The following COG5 variants were observed in gnomAD, a reference collection of about 807,000 sequenced individuals.
COG5 encodes conserved oligomeric Golgi complex subunit 5.
COG5 carries 86 observed loss-of-function variants against 110.4 expected under a neutral mutation model. The ratio of observed to expected loss-of-function variants is 0.78; its 90% CI spans 0.65 to 0.93. The LOEUF (loss-of-function observed/expected upper bound fraction) is 0.93, where lower values mean the gene tolerates loss of function less well. COG5 is among the 40% of genes least tolerant of loss of function. The probability of loss-of-function intolerance (pLI) is 0.00; values close to 1 mark genes in which losing one functional copy is unlikely to be tolerated. For missense variants in COG5, 1,077 were observed against 987.0 expected (o/e 1.09, Z -1.22); for synonymous variants, 360 against 334.6 (o/e 1.08, Z -0.83).
At chr7:107,244,522 A>G (rs1009479162) in intron 17 of COG5, among the ~76,000 whole-genome samples, 4 of 152,220 alleles carry the variant, frequency 2.6e-5, no homozygotes, top group African/African-American at 9.6e-5. Context: ...TCAGAAGATC[A>G]ATGAATCCAG....
chr7:107,346,017 T>C (rs142849180), intron 10 of COG5, among the ~76,000 whole-genome samples: 1 of 152,182 alleles, frequency 6.6e-6, no homozygotes, highest in Non-Finnish European at 1.5e-5. Flanking sequence ...GAACCAATAA[T>C]ATCTTTCACT....
intron 14 of COG5, among the ~76,000 whole-genome samples, chr7:107,272,183 C>T (rs1804332320): frequency 6.6e-6 from 1 of 152,168 alleles, no homozygotes; most frequent in Admixed American, 6.5e-5. Flanking sequence ...CTGGGAACTG[C>T]TTATGACAAA....
At chr7:107,523,979 A>G (rs555848761) in intron 6 of COG5, among the ~76,000 whole-genome samples, 7 of 152,226 alleles carry the variant, frequency 4.6e-5, no homozygotes, top group Non-Finnish European at 8.8e-5. Context: ...AAAGACTTGT[A>G]CATGAATGTT....
chr7:107,307,106 C>T (rs987172778), intron 11 of COG5, among the ~76,000 whole-genome samples: 2 of 152,208 alleles, frequency 1.3e-5, no homozygotes, highest in Non-Finnish European at 2.9e-5. Flanking sequence ...CCTGTTGCTC[C>T]TTGTAATAAC....
chr7:107,210,245 T>C (rs1339457520), intron 21 of COG5: 22 of 1,279,764 alleles, frequency 1.7e-5, no homozygotes, highest in Non-Finnish European at 2.2e-5. Context: ...CAAATGATGA[T>C]TTTCAAAGGT....
chr7:107,540,078 T>C (rs922613930), intron 5 of COG5, among the ~76,000 whole-genome samples: 11 of 152,034 alleles, frequency 7.2e-5, no homozygotes, highest in African/African-American at 2.7e-4. Context: ...GGCAGAGAAT[T>C]GGAGAAAAGC....
At chr7:107,410,492 G>C (rs1792199312) in intron 7 of COG5, among the ~76,000 whole-genome samples, 2 of 152,114 alleles carry the variant, frequency 1.3e-5, no homozygotes, top group Non-Finnish European at 2.9e-5. Context: ...GCCCAGGCTG[G>C]AGTGTGATGG....
intron 8 of COG5, among the ~76,000 whole-genome samples, chr7:107,371,737 A>G (rs1006355799): frequency 9.2e-5 from 14 of 152,178 alleles, no homozygotes; most frequent in African/African-American, 3.4e-4. Context: ...TAACACAACT[A>G]TATGTGAAGG....
chr7:107,259,071 C>G (rs777362057), intron 14 of COG5, among the ~76,000 whole-genome samples: 3 of 151,830 alleles, frequency 2.0e-5, no homozygotes, highest in Non-Finnish European at 4.4e-5. Flanking sequence ...CTTCTAAATT[C>G]ATGAGTTTTA....
intron 5 of COG5, among the ~76,000 whole-genome samples, chr7:107,529,650 A>G (rs781639464): frequency 2.6e-5 from 4 of 152,192 alleles, no homozygotes; most frequent in Non-Finnish European, 5.9e-5. Flanking sequence ...GCCAGGCTAT[A>G]AAGTCCTCGG....
intron 14 of COG5, chr7:107,258,617 A>G: frequency 1.8e-6 from 1 of 565,986 alleles, no homozygotes; most frequent in South Asian, 2.1e-5. Flanking sequence ...GTGGAAGCAC[A>G]ATTGGTCTTG....
At chr7:107,209,010 C>T in intron 21 of COG5, 2 of 975,554 alleles carry the variant, frequency 2.1e-6, no homozygotes, top group Non-Finnish European at 2.4e-6. Flanking sequence ...CTGAGGTAGG[C>T]AAGGGTGAGA....
intron 1 of COG5, among the ~76,000 whole-genome samples, chr7:107,558,780 C>T (rs532506737): frequency 4.0e-5 from 6 of 149,770 alleles, no homozygotes; most frequent in Admixed American, 6.7e-5. Context: ...CCCAGCTACT[C>T]GAGAGGCTGA....
chr7:107,433,625 C>T (rs200200597), intron 6 of COG5, among the ~76,000 whole-genome samples: 1 of 152,138 alleles, frequency 6.6e-6, no homozygotes, highest in East Asian at 1.9e-4. Context: ...TATCCATATG[C>T]CAAACAATAA....
chr7:107,466,139 G>C (rs1316732584), intron 6 of COG5, among the ~76,000 whole-genome samples: 1 of 152,030 alleles, frequency 6.6e-6, no homozygotes, highest in Non-Finnish European at 1.5e-5. Context: ...AAATATAAGA[G>C]AAAAACATCA....
chr7:107,210,370 G>T (rs566472624), intron 21 of COG5, 156 bp downstream of exon 21: 10 of 1,440,072 alleles, frequency 6.9e-6, no homozygotes, highest in Middle Eastern at 5.1e-4. Context: ...ACTGCTGGTT[G>T]CTCCAGCACC....
At chr7:107,268,333 A>G (rs1479534364) in intron 14 of COG5, among the ~76,000 whole-genome samples, 2 of 152,232 alleles carry the variant, frequency 1.3e-5, no homozygotes, top group Non-Finnish European at 2.9e-5. Context: ...ATAATAAAAA[A>G]GTGTATTACT....
intron 14 of COG5, among the ~76,000 whole-genome samples, chr7:107,261,599 T>A (rs1049817620): frequency 2.0e-5 from 3 of 152,188 alleles, no homozygotes; most frequent in Admixed American, 2.0e-4. Context: ...CTGTTGACCC[T>A]GCAATACTTC....
intron 6 of COG5, among the ~76,000 whole-genome samples, chr7:107,475,845 C>T (rs567630717): frequency 4.0e-5 from 6 of 151,604 alleles, no homozygotes; most frequent in Non-Finnish European, 5.9e-5. Flanking sequence ...GCTATGTTTC[C>T]TGGTATAGTG....
Sources: gnomAD v4.1 joint callset for allele counts (sites outside exome capture counted in the v4.1 genomes callset) on GRCh38, gnomAD v4.1.1 for gene constraint, MANE v1.5 for transcripts, NCBI Gene and HGNC (gene_info 2026-07-23, HGNC 2026-07-21) for gene names.